Variants in PSMD1 observed in about 807,000 individuals in gnomAD.
The protein encoded by PSMD1 is 26S proteasome non-ATPase regulatory subunit 1.
PSMD1 carries 18 observed loss-of-function variants against 119.0 expected under a neutral mutation model. That is an observed-to-expected ratio of 0.15 (90% CI 0.10 to 0.22). The LOEUF (loss-of-function observed/expected upper bound fraction) is 0.22, where lower values mean the gene tolerates loss of function less well. Among genes scored for constraint, PSMD1 ranks in the 10% least tolerant of loss-of-function variants. The pLI, the probability that PSMD1 is intolerant of heterozygous loss-of-function variation, is 1.00. For synonymous variants in PSMD1, 374 were observed against 396.6 expected (o/e 0.94, Z 0.68); for missense variants, 702 against 1,158.5 (o/e 0.61, Z 5.72).
intron 16 of PSMD1, chr2:231,109,319 C>A (rs534171987): frequency 6.2e-7 from 1 of 1,614,008 alleles, no homozygotes; most frequent in Non-Finnish European, 8.5e-7. Context: ...CATGAAATCG[C>A]CAAAACGTTC....
At chr2:231,129,829 CT>C (rs1695812324) in intron 16 of PSMD1, among the ~76,000 whole-genome samples, 1 of 152,124 alleles carries the variant, frequency 6.6e-6, no homozygotes, top group Admixed American at 6.5e-5. Context: ...ATTTCCCCTA[CT>C]TTTTTGTTTT....
At chr2:231,164,545 T>G (rs948346620) in intron 21 of PSMD1, among the ~76,000 whole-genome samples, 7 of 152,136 alleles carry the variant, frequency 4.6e-5, no homozygotes, top group Non-Finnish European at 7.4e-5. Context: ...TAAGTAAGGA[T>G]AATTAACCAA....
At chr2:231,122,224 T>C (rs1431979745) in intron 16 of PSMD1, among the ~76,000 whole-genome samples, 1 of 152,114 alleles carries the variant, frequency 6.6e-6, no homozygotes, top group Non-Finnish European at 1.5e-5. Flanking sequence ...TTTTCTTGAT[T>C]TATTTTAAAG....
At chr2:231,097,300 T>C (rs1015131333) in intron 16 of PSMD1, among the ~76,000 whole-genome samples, 1 of 152,222 alleles carries the variant, frequency 6.6e-6, no homozygotes, top group East Asian at 1.9e-4. Flanking sequence ...ATTATTCCTT[T>C]CCATTTACTG....
At chr2:231,162,461 T>C (rs1696663337) in intron 20 of PSMD1, among the ~76,000 whole-genome samples, 2 of 152,252 alleles carry the variant, frequency 1.3e-5, no homozygotes, top group Admixed American at 1.3e-4. Context: ...GCAGCTTTAT[T>C]GTCAGAACAA....
chr2:231,139,204 A>T (rs2125247855), intron 17 of PSMD1: 1 of 356,792 alleles, frequency 2.8e-6, no homozygotes, highest in South Asian at 2.2e-5. Context: ...CAGTCTCACC[A>T]TGTTGGCCAG....
intron 1 of PSMD1, 116 bp downstream of exon 1, chr2:231,057,157 C>T (rs1693616532): frequency 1.5e-6 from 2 of 1,293,056 alleles, no homozygotes; most frequent in Non-Finnish European, 1.0e-6. Flanking sequence ...TGGGCAGCTT[C>T]TTGCTGCCCA....
At chr2:231,100,340 C>T (rs916615096) in intron 16 of PSMD1, among the ~76,000 whole-genome samples, 1 of 152,212 alleles carries the variant, frequency 6.6e-6, no homozygotes, top group African/African-American at 2.4e-5. Context: ...ACGCACATGG[C>T]CCCTGCTGCT....
chr2:231,150,610 A>G (rs1021986126), intron 18 of PSMD1, among the ~76,000 whole-genome samples: 2 of 152,118 alleles, frequency 1.3e-5, no homozygotes, highest in Admixed American at 1.3e-4. Flanking sequence ...GTGCTACTTC[A>G]GAAATAATTT....
Position 231,161,374 on chromosome 2 carries a change from G to T in PSMD1, c.2253G>T (p.Arg751Ser). 6.2e-7 allele frequency: 1 copy of T among 1,613,654 alleles called. No homozygotes were observed. The highest frequency in any genetic ancestry group is 1.1e-5 in the South Asian group (1 of 91,044). The change falls in exon 20 of 25, where the codon AGG becomes AGT. Residue 751 changes from arginine (R) to serine (S), a missense_variant. Transcript: ENST00000308696. ...GHNVTISLQS[R>S]TGHTHMPSVV... is the part of the protein sequence containing the mutation. The stretch of plus-strand genomic sequence containing the variant: ...ATGTCACAATCTCCTTGCAGTCCAG[G>T]ACTGGGCATACTCATATGCCTTCTG...
rs1337854141 is a variant in PSMD1 at position 231,103,209 on chromosome 2, A to G, written c.1883+16028A>G. On this transcript the variant is annotated intron_variant, in intron 16 of 24. Transcript: ENST00000308696. The stretch of plus-strand genomic sequence containing the variant: ...ATAAAACAGAACAAAACACAGACCC[A>G]TATAGCATGGTATTTCTTCTTACAC... Among the ~76,000 whole-genome samples, 13 of 152,208 alleles carry G rather than the reference A, an allele frequency of 8.5e-5. No individual in the cohort carries two copies. In the East Asian group the frequency reaches 2.1e-3, roughly 25 times the overall value.
chr2:231,159,928 A>G (rs1375430133), intron 19 of PSMD1, among the ~76,000 whole-genome samples: 5 of 152,218 alleles, frequency 3.3e-5, no homozygotes, highest in Admixed American at 2.6e-4. Flanking sequence ...AATAAGGTTC[A>G]CATTCCTATG....
intron 20 of PSMD1, among the ~76,000 whole-genome samples, chr2:231,162,693 T>C (rs1284484970): frequency 1.3e-5 from 2 of 151,770 alleles, no homozygotes; most frequent in Admixed American, 6.6e-5. Context: ...CGGGTGTGGT[T>C]GTGCACATCT....
chr2:231,064,242 G>A (rs1215606709), intron 4 of PSMD1, among the ~76,000 whole-genome samples: 1 of 152,192 alleles, frequency 6.6e-6, no homozygotes, highest in Non-Finnish European at 1.5e-5. Flanking sequence ...AGATTCATGA[G>A]GGGGTATACA....
At chr2:231,138,640 C>T in intron 16 of PSMD1, 96 bp from the exon 17 acceptor site, 5 of 821,118 alleles carry the variant, frequency 6.1e-6, no homozygotes, top group African/African-American at 1.7e-5. Flanking sequence ...TCATTGTTTC[C>T]TATAACTTTT....
intron 16 of PSMD1, among the ~76,000 whole-genome samples, chr2:231,117,259 A>G (rs1695374701): frequency 6.6e-6 from 1 of 152,082 alleles, no homozygotes; most frequent in Non-Finnish European, 1.5e-5. Context: ...ATTATTTGTT[A>G]TAATGTATTC....
chr2:231,113,954 A>T (rs1355797323), intron 16 of PSMD1: 1 of 1,594,818 alleles, frequency 6.3e-7, no homozygotes, highest in Non-Finnish European at 8.6e-7. Flanking sequence ...AACAAGACAA[A>T]CATTTTATTC....
At chr2:231,165,633 T>A (rs186445213) in intron 22 of PSMD1, among the ~76,000 whole-genome samples, 1 of 152,302 alleles carries the variant, frequency 6.6e-6, no homozygotes, top group Admixed American at 6.5e-5. Flanking sequence ...GACCTTTTTC[T>A]GATCTCTGCT....
At chr2:231,066,110 A>G (rs867867707) in intron 4 of PSMD1, among the ~76,000 whole-genome samples, 10 of 152,256 alleles carry the variant, frequency 6.6e-5, no homozygotes, top group African/African-American at 1.7e-4. Flanking sequence ...GGTTTGTGTA[A>G]GTTCACTCCA....
Sources: allele counts gnomAD v4.1 joint callset (sites outside exome capture counted in the v4.1 genomes callset), GRCh38; gene constraint gnomAD v4.1.1; transcripts MANE v1.5; gene names NCBI Gene and HGNC (gene_info 2026-07-23, HGNC 2026-07-21).